KIR3DL1: variants seen among roughly 807,000 people sequenced by gnomAD.
KIR3DL1 encodes the protein killer cell immunoglobulin-like receptor 3DL1.
KIR3DL1 carries 50 observed loss-of-function variants against 40.3 expected under a neutral mutation model. The ratio of observed to expected loss-of-function variants is 1.24; its 90% CI spans 0.99 to 1.57. The LOEUF is 1.57. Among genes scored for constraint, KIR3DL1 ranks in the 40% most tolerant of loss-of-function variants. The pLI is 0.00. For missense variants in KIR3DL1, 661 were observed against 559.9 expected (o/e 1.18, Z -1.82); for synonymous variants, 257 against 207.2 (o/e 1.24, Z -2.07).
chr19:54,830,654 CT>C, exon 9 of KIR3DL1: 1 of 262,636 alleles, frequency 3.8e-6, no homozygotes, highest in Non-Finnish European at 7.1e-6. Flanking sequence ...GCTGTTCCAC[CT>C]TCCCTCATGC....
intron 6 of KIR3DL1, among the ~76,000 whole-genome samples, chr19:54,827,244 G>C (rs7255036): frequency 0.27 from 40,007 of 149,326 alleles, 5,560 homozygotes; most frequent in African/African-American, 0.4. Context: ...TCAATACCTG[G>C]CAAAGGAGTG....
At chr19:54,820,558 C>G (rs1038777367) in intron 4 of KIR3DL1, among the ~76,000 whole-genome samples, 2 of 151,240 alleles carry the variant, frequency 1.3e-5, no homozygotes, top group African/African-American at 4.9e-5. Flanking sequence ...ACTTGGGGTC[C>G]CCAGACTGGA....
chr19:54,828,682 C>A (rs1301017902), intron 6 of KIR3DL1, among the ~76,000 whole-genome samples: 2 of 149,414 alleles, frequency 1.3e-5, no homozygotes, highest in African/African-American at 5.0e-5. Flanking sequence ...GGAAGACAGC[C>A]CAGGCTGTTC....
At chr19:54,822,431 C>A (rs1259503146) in intron 5 of KIR3DL1, among the ~76,000 whole-genome samples, 2 of 150,940 alleles carry the variant, frequency 1.3e-5, no homozygotes, top group African/African-American at 4.9e-5. Flanking sequence ...TCGAGATCAC[C>A]CTGGCCAACA....
intron 6 of KIR3DL1, among the ~76,000 whole-genome samples, chr19:54,828,157 T>G (rs540361413): frequency 4.0e-5 from 6 of 150,960 alleles, no homozygotes; most frequent in Non-Finnish European, 8.8e-5. Flanking sequence ...AGTAGCACAT[T>G]TCACACGGGC....
intron 2 of KIR3DL1, 129 bp from the exon 3 acceptor site, chr19:54,818,186 C>T (rs2061444269): frequency 2.2e-6 from 2 of 926,776 alleles, no homozygotes; most frequent in Non-Finnish European, 3.2e-6. Context: ...ATGGGTCCTT[C>T]CTGTAGCCCT....
intron 6 of KIR3DL1, among the ~76,000 whole-genome samples, chr19:54,825,690 G>A (rs1332196624): frequency 1.3e-5 from 2 of 148,776 alleles, no homozygotes; most frequent in African/African-American, 2.5e-5. Context: ...TTACAGTGCT[G>A]TAGCTCAAAG....
chr19:54,818,662 G>T lies in KIR3DL1; in HGVS notation c.355+63G>T. The T allele has an allele frequency of 3.8e-6, 6 of 1,564,602 alleles. No homozygotes were observed. The Admixed American group carries it at 1.1e-4, about 28-fold the overall frequency. On this transcript the variant is annotated intron_variant, in intron 3 of 8. Transcript: ENST00000391728. Reference sequence around the variant, plus strand: ...CTCCTGAATCCCAGAGCTTCTGGTGGGGGTGTCCGTCAGGGTCCCATCACC... The same window carrying T: ...CTCCTGAATCCCAGAGCTTCTGGTGTGGGTGTCCGTCAGGGTCCCATCACC...
At chr19:54,819,966 C>T (rs2148092641) in exon 4 of KIR3DL1, 1 of 1,611,598 alleles carries the variant, frequency 6.2e-7, no homozygotes, top group Non-Finnish European at 8.5e-7. Context: ...CTCACACCCC[C>T]TATCAGTTGT....
At chr19:54,823,044 T>TC (rs1556586964) in intron 5 of KIR3DL1, among the ~76,000 whole-genome samples, 19,795 of 147,500 alleles carry the variant, frequency 0.13, 1,696 homozygotes, top group Middle Eastern at 0.18. Context: ...TTTTTTTTTT[T>TC]CTTTTTTGAG....
chr19:54,828,037 T>A lies in KIR3DL1; in HGVS notation c.1001-1324T>A, dbSNP rs1479762024. 1.9e-4 allele frequency among the ~76,000 whole-genome samples: 28 copies of A among 150,668 alleles called. No homozygotes were observed. In the South Asian group the frequency reaches 5.9e-3, roughly 32 times the overall value. Reference sequence around the variant, plus strand: ...AGCTCCTGCTCCCCTTTCCTACTAATTCACAGGAGGACAGGTGGTATTGAA... The same window carrying A: ...AGCTCCTGCTCCCCTTTCCTACTAAATCACAGGAGGACAGGTGGTATTGAA... On this transcript the variant is annotated intron_variant, in intron 6 of 8. Coordinates refer to ENST00000391728, the Ensembl canonical transcript of KIR3DL1.
In KIR3DL1 at chr19:54,826,171, C is replaced by T. The variant is rs369831011; in HGVS notation, c.1000+1093C>T. Among the ~76,000 whole-genome samples the T allele has an allele frequency of 5.3e-4, 80 of 150,410 alleles. 2 individuals carry two copies. The highest frequency in any genetic ancestry group is 1.5e-3 in the African/African-American group (59 of 40,338). On this transcript the variant is annotated intron_variant, in intron 6 of 8. Coordinates refer to ENST00000391728, the Ensembl canonical transcript of KIR3DL1. ...ACAGCATTCTCCTGCCTTCCACGAA[C>T]GGTGAACAAGATGCATTTGGCCTCT... is the stretch of plus-strand genomic sequence containing the variant.
At chr19:54,825,030 A>G in exon 6 of KIR3DL1, 1 of 1,507,022 alleles carries the variant, frequency 6.6e-7, no homozygotes, top group Admixed American at 1.7e-5. Context: ...TGTTCTAGGA[A>G]ACCCTTCAAG....
At chr19:54,826,856 G>T (rs1375943992) in intron 6 of KIR3DL1, among the ~76,000 whole-genome samples, 1 of 151,608 alleles carries the variant, frequency 6.6e-6, no homozygotes, top group Non-Finnish European at 1.5e-5. Flanking sequence ...AGAATGACAA[G>T]ACGACTGTGG....
rs200785070 is a variant in KIR3DL1 at position 54,819,859 on chromosome 19, G to T, written c.502G>T (p.Val168Phe). 5.6e-6 allele frequency: 9 copies of T among 1,612,010 alleles called. No homozygotes were observed. In the South Asian group the frequency reaches 8.8e-5, roughly 16 times the overall value. Residue 168 changes from valine (V) to phenylalanine (F), a missense_variant, in exon 4 of 9, where the codon GTT becomes TTT. Around this residue, in one of 3 missense-constraint regions of KIR3DL1, gnomAD observed 548 missense variants for 413.3 expected, o/e 1.33. Coordinates refer to ENST00000391728, the Ensembl canonical transcript of KIR3DL1. The stretch of plus-strand genomic sequence containing the variant: ...GATCTCTAAGGACCCCTCACGCCTC[G>T]TTGGACAGATCCATGATGGGGTCTC...
chr19:54,830,157 T>G, exon 9 of KIR3DL1: 1 of 1,524,388 alleles, frequency 6.6e-7, no homozygotes. Flanking sequence ...CACTGCGTTT[T>G]CACACAGAGA....
chr19:54,829,916 C>T lies in KIR3DL1; in HGVS notation c.1106-12C>T, dbSNP rs368826294. 6.5e-5 allele frequency: 99 copies of T among 1,523,180 alleles called. 18 individuals are homozygous for T. Among genetic ancestry groups the T allele is most frequent in the Non-Finnish European group, 8.2e-5 (92 of 1,122,534 alleles). The allele number at this position is 1,523,180 out of a possible 1,614,324, so 94.4% of individuals were successfully genotyped here. On this transcript the variant is annotated splice_polypyrimidine_tract_variant and intron_variant, in intron 7 of 8. Coordinates refer to ENST00000391728, the Ensembl canonical transcript of KIR3DL1. The stretch of plus-strand genomic sequence containing the variant: ...CCCTCCGAGCTCTTTTGTTGACTTC[C>T]GTCTCCTACAGATGCTGCTGTAATG...
Position 54,816,569 on chromosome 19 carries a change from G to A in KIR3DL1, c.34+35G>A, listed in dbSNP as rs112324674. 1,014 of 1,607,194 alleles carry A rather than the reference G, an allele frequency of 6.3e-4. 24 individuals carry two copies. The African/African-American group carries it at 8.6e-3, about 14-fold the overall frequency. The stretch of plus-strand genomic sequence containing the variant: ...GGAAGGGAATCGAGGGAGGGAGTGC[G>A]GGGATGGAGATCTGGACCTGGAGGT... On this transcript the variant is annotated intron_variant, in intron 1 of 8. Coordinates refer to ENST00000391728, the Ensembl canonical transcript of KIR3DL1.
rs2062108182 is a variant in KIR3DL1 at position 54,829,617 on chromosome 19, C to T, written c.1105+152C>T. 3 of 744,096 alleles carry T rather than the reference C, an allele frequency of 4.0e-6. 1 individual carries two copies. The highest frequency in any genetic ancestry group is 6.3e-6 in the Non-Finnish European group (3 of 474,118). The allele number at this position is 744,096 out of a possible 1,614,324, so 46.1% of individuals were successfully genotyped here. ...ACTTTCTAGAGAGAGCACCAGACTCCCTGCCCCTGCCTTCAGCTCACAGAC... is the reference window on the plus strand; with the variant it reads ...ACTTTCTAGAGAGAGCACCAGACTCTCTGCCCCTGCCTTCAGCTCACAGAC... On this transcript the variant is annotated intron_variant, in intron 7 of 8. Coordinates refer to ENST00000391728, the Ensembl canonical transcript of KIR3DL1.
Sources: gnomAD v4.1 joint callset for allele counts (sites outside exome capture counted in the v4.1 genomes callset) on GRCh38, gnomAD v4.1.1 for gene constraint, gnomAD v4.1.1 regional missense constraint, MANE v1.5 for transcripts, NCBI Gene and HGNC (gene_info 2026-07-23, HGNC 2026-07-21) for gene names.